FKBP15: variants seen among roughly 807,000 people sequenced by gnomAD.
The protein encoded by FKBP15 is FK506-binding protein 15.
Under a neutral mutation model 158.1 loss-of-function variants are expected in FKBP15, and 106 were observed. The ratio of observed to expected loss-of-function variants is 0.67; its 90% CI spans 0.57 to 0.79. The LOEUF (loss-of-function observed/expected upper bound fraction) is 0.79. Ranked by LOEUF, FKBP15 falls within the 30% of genes least tolerant of loss-of-function variation. The pLI is 0.00. For synonymous variants in FKBP15, 547 were observed against 548.6 expected (o/e 1.00, Z 0.04); for missense variants, 1,287 against 1,479.1 (o/e 0.87, Z 2.13).
chr9:113,184,556 A>G lies in FKBP15; in HGVS notation c.1608+139T>C. 1.1e-6 allele frequency: 1 copy of G among 924,362 alleles called. No homozygotes were observed. The highest frequency in any genetic ancestry group is 2.2e-5 in the Admixed American group (1 of 44,524). 57.3% of individuals were successfully genotyped at this position (924,362 alleles called of 1,614,324 possible). Reference sequence around the variant, plus strand: ...TTTCTCCTACTAACTGGATCCCAACATAATTATAACTATCCTTGTAGGGAA... The same window carrying G: ...TTTCTCCTACTAACTGGATCCCAACGTAATTATAACTATCCTTGTAGGGAA... On this transcript the variant is annotated intron_variant, in intron 16 of 27. Transcript: ENST00000238256. This position sits in a 1 kb window ranked among gnomAD's most constrained non-coding sequence, Gnocchi z 4.5.
Position 113,186,246 on chromosome 9 carries a change from T to C in FKBP15, c.1498+3A>G. The C allele has an allele frequency of 6.4e-7, 1 of 1,554,418 alleles. No individual in the cohort carries two copies. Among genetic ancestry groups the C allele is most frequent in the Non-Finnish European group, 8.7e-7 (1 of 1,147,582 alleles). On this transcript the variant is annotated splice_donor_region_variant and intron_variant, in intron 15 of 27. Transcript: ENST00000238256. ...ATGAGAAACTGAGGGAATTACTCCCTACCTTGGAAATGGGGAGGCTGAGAG... is the reference window on the plus strand; with the variant it reads ...ATGAGAAACTGAGGGAATTACTCCCCACCTTGGAAATGGGGAGGCTGAGAG...
chr9:113,185,624 T>C (rs1830473553), intron 15 of FKBP15, among the ~76,000 whole-genome samples: 1 of 152,186 alleles, frequency 6.6e-6, no homozygotes, highest in South Asian at 2.1e-4. Context: ...CTTGGTTTGA[T>C]TTTTTTACAT....
At position 113,184,487 on chromosome 9, in the gene FKBP15, G is replaced by T; in HGVS notation, c.1609-88C>A. 5 of 1,096,366 alleles carry T rather than the reference G, an allele frequency of 4.6e-6. No homozygotes were observed. The highest frequency in any genetic ancestry group is 4.1e-5 in the South Asian group (3 of 73,784). 67.9% of individuals were successfully genotyped at this position (1,096,366 alleles called of 1,614,324 possible). On this transcript the variant is annotated intron_variant, in intron 16 of 27. Transcript: ENST00000238256. This position sits in a 1 kb window ranked among gnomAD's most constrained non-coding sequence, Gnocchi z 4.5. ...CAAGATTTGACCCTGTTGTTAAGGG[G>T]GTTAATGAGTTCCTGGGACAATCTC...
chr9:113,173,704 G>T, intron 22 of FKBP15, 99 bp from the exon 23 acceptor site: 1 of 1,238,304 alleles, frequency 8.1e-7, no homozygotes, highest in Non-Finnish European at 1.1e-6. Context: ...AAAAGAATAA[G>T]CTAACAGCCC....
chr9:113,169,123 TAAA>T, intron 26 of FKBP15, 98 bp downstream of exon 26: 1 of 1,418,412 alleles, frequency 7.1e-7, no homozygotes, highest in Non-Finnish European at 9.3e-7. Context: ...AAGACATGAG[TAAA>T]TTAGTCTCTG....
chr9:113,192,583 C>G (rs188571951), intron 11 of FKBP15, among the ~76,000 whole-genome samples: 1 of 152,146 alleles, frequency 6.6e-6, no homozygotes. Context: ...TGCTCAAAGT[C>G]AATCAGCTGG....
At chr9:113,187,615 C>T (rs780225337) in intron 14 of FKBP15, 178 bp downstream of exon 14, 7 of 599,452 alleles carry the variant, frequency 1.2e-5, no homozygotes, top group African/African-American at 3.8e-5. Flanking sequence ...GACACTGGAA[C>T]GTAGGTTATC....
Position 113,184,318 on chromosome 9 carries a change from TA to T in FKBP15, c.1689del (p.Met564Ter). On this transcript the variant is annotated frameshift_variant, in exon 17 of 28. Coordinates refer to ENST00000238256, the MANE Select transcript of FKBP15 (RefSeq NM_015258.2). LOFTEE classifies it high-confidence loss of function. This position sits in a 1 kb window ranked among gnomAD's most constrained non-coding sequence, Gnocchi z 4.5. ...TGAATGATTCGCTGGATGTTGCTCA[TA>T]ATCATGCTTGTTTCCATTGTAACTG... ...SMSVTMETSMIMSNIQRIIQE... is the reference protein window; with the variant it reads ...SMSVTMETSMXMSNIQRIIQE... 6.2e-7 allele frequency: 1 copy of T among 1,603,324 alleles called. No individual in the cohort carries two copies. Among genetic ancestry groups the T allele is most frequent in the Non-Finnish European group, 8.5e-7 (1 of 1,174,284 alleles).
rs910691903 is a variant in FKBP15 at position 113,170,957 on chromosome 9, G to A, written c.2659-328C>T. Among the ~76,000 whole-genome samples, 7 of 152,182 alleles carry A rather than the reference G, an allele frequency of 4.6e-5. No homozygotes were observed. In the South Asian group the frequency reaches 6.2e-4, roughly 13 times the overall value. On this transcript the variant is annotated intron_variant, in intron 24 of 27. Coordinates refer to ENST00000238256, the MANE Select transcript of FKBP15 (RefSeq NM_015258.2). ...CTAGGAGCTGCCATAGGCTCTAAGG[G>A]TCAGAGGCCAGTGGATGCTGGGCAC...
rs1478833916 is a variant in FKBP15 at position 113,183,791 on chromosome 9, G to A, written c.1771C>T (p.Gln591Ter). Residue 591 changes from glutamine to a stop codon, truncating the protein, a stop_gained, in exon 18 of 28, where the codon CAG (glutamine) becomes TAG (stop). Coordinates refer to ENST00000238256, the MANE Select transcript of FKBP15 (RefSeq NM_015258.2). LOFTEE classifies it high-confidence loss of function. ...ATTAGTTCACTAATCTTGTCATTCT[G>A]TTCTTCTATCCGATTGCTCTTTTCA... Reference protein sequence around the residue: ...ILEKSNRIEEQNDKISELIER... With the variant: ...ILEKSNRIEE 1 of 1,613,612 alleles carries A rather than the reference G, an allele frequency of 6.2e-7. No homozygotes were observed. Among genetic ancestry groups the A allele is most frequent in the Non-Finnish European group, 8.5e-7 (1 of 1,179,682 alleles).
intron 23 of FKBP15, among the ~76,000 whole-genome samples, chr9:113,173,039 C>A (rs1283529969): frequency 6.6e-6 from 1 of 152,186 alleles, no homozygotes; most frequent in Non-Finnish European, 1.5e-5. Context: ...ACCTTCCCAG[C>A]TCTCCTGGGT....
At chr9:113,172,899 T>C (rs1364624975) in intron 23 of FKBP15, among the ~76,000 whole-genome samples, 1 of 152,152 alleles carries the variant, frequency 6.6e-6, no homozygotes, top group African/African-American at 2.4e-5. Flanking sequence ...TTTTCAGGCC[T>C]GATGATCCCA....
At position 113,198,392 on chromosome 9, in the gene FKBP15, A is replaced by G. The variant is rs1031988043; in HGVS notation, c.717+463T>C. On this transcript the variant is annotated intron_variant, in intron 8 of 27. Coordinates refer to ENST00000238256, the MANE Select transcript of FKBP15 (RefSeq NM_015258.2). The surrounding 1 kb of genome is among the most constrained non-coding windows in gnomAD (Gnocchi z 5.2). ...CATAGATAAAAATCTCCCAAATGCA[A>G]TGTAACACATTTTCCCCTCGTATTC... Among the ~76,000 whole-genome samples, 2 of 152,240 alleles carry G rather than the reference A, an allele frequency of 1.3e-5. No homozygotes were observed. Among genetic ancestry groups the G allele is most frequent in the African/African-American group, 4.8e-5 (2 of 41,472 alleles).
In FKBP15 at chr9:113,162,840, A is replaced by G; in HGVS notation, c.*3238T>C. 6.2e-7 allele frequency: 1 copy of G among 1,613,584 alleles called. No homozygotes were observed. The highest frequency in any genetic ancestry group is 8.5e-7 in the Non-Finnish European group (1 of 1,179,804). The stretch of plus-strand genomic sequence containing the variant: ...CATGCTGGCCGTAATGTCCTACAAC[A>G]CCTGGATTTTCCTTGGTGTGGTCTT... On this transcript the variant is annotated 3_prime_UTR_variant, in exon 28 of 28. Transcript: ENST00000238256.
intron 1 of FKBP15, among the ~76,000 whole-genome samples, chr9:113,218,739 G>C (rs1445249056): frequency 6.6e-6 from 1 of 152,082 alleles, no homozygotes; most frequent in East Asian, 1.9e-4. Flanking sequence ...AATAGGTTGG[G>C]GTATGGAGGG....
At chr9:113,185,316 C>CA (rs1450550335) in intron 15 of FKBP15, among the ~76,000 whole-genome samples, 1 of 152,150 alleles carries the variant, frequency 6.6e-6, no homozygotes, top group Non-Finnish European at 1.5e-5. Flanking sequence ...TCTTTGGTGA[C>CA]ACGCGTACAC....
At position 113,186,338 on chromosome 9, in the gene FKBP15, G is replaced by A. The variant is rs1231224411; in HGVS notation, c.1409C>T (p.Ala470Val). ...FQPYAGMQAY[A>V]YPQASAVTSQ... ...GGTGACGGCAGATGCCTGGGGATAA[G>A]CGTAGGCTTGCATACCTGCATAGGG... Residue 470 changes from alanine (A) to valine (V), a missense_variant, in exon 15 of 28, where the codon GCT becomes GTT. Transcript: ENST00000238256. 6.4e-7 allele frequency: 1 copy of A among 1,565,628 alleles called. No individual in the cohort carries two copies. The highest frequency in any genetic ancestry group is 8.7e-7 in the Non-Finnish European group (1 of 1,154,368).
chr9:113,206,466 T>C, intron 4 of FKBP15, 43 bp downstream of exon 4: 3 of 1,519,160 alleles, frequency 2.0e-6, no homozygotes, highest in Non-Finnish European at 2.7e-6. Flanking sequence ...ATTGGTATTA[T>C]TTGGGACATC....
At position 113,184,841 on chromosome 9, in the gene FKBP15, T is replaced by C; in HGVS notation, c.1499-37A>G. On this transcript the variant is annotated intron_variant, in intron 15 of 27. Coordinates refer to ENST00000238256, the MANE Select transcript of FKBP15 (RefSeq NM_015258.2). The surrounding 1 kb of genome is among the most constrained non-coding windows in gnomAD (Gnocchi z 4.5). ...CAAGCCAAAAAGAAACTTATGAAACTGGAGCAGAGGAAACTGTATGAAGAA... is the reference window on the plus strand; with the variant it reads ...CAAGCCAAAAAGAAACTTATGAAACCGGAGCAGAGGAAACTGTATGAAGAA... 6.7e-7 allele frequency: 1 copy of C among 1,493,122 alleles called. No individual in the cohort carries two copies. Among genetic ancestry groups the C allele is most frequent in the Non-Finnish European group, 9.2e-7 (1 of 1,092,136 alleles). 92.5% of individuals were successfully genotyped at this position (1,493,122 alleles called of 1,614,324 possible).
Sources: gnomAD v4.1 joint callset for allele counts (sites outside exome capture counted in the v4.1 genomes callset) on GRCh38, gnomAD v4.1.1 for gene constraint, Gnocchi (gnomAD v3.1) non-coding constraint, MANE v1.5 for transcripts, NCBI Gene and HGNC (gene_info 2026-07-23, HGNC 2026-07-21) for gene names.